The following UGT1A6 variants were observed in gnomAD, a reference collection of about 807,000 sequenced individuals.
UGT1A6 encodes the protein UDP-glucuronosyltransferase 1A6.
UGT1A6 carries 32 observed loss-of-function variants against 44.4 expected under a neutral mutation model. That is an observed-to-expected ratio of 0.72 (90% CI 0.54 to 0.97). UGT1A6 has a LOEUF of 0.97. Ranked by LOEUF, UGT1A6 falls within the 50% of genes least tolerant of loss-of-function variation. The probability of loss-of-function intolerance (pLI) is 0.00; values close to 1 mark genes in which losing one functional copy is unlikely to be tolerated. For missense variants in UGT1A6, 685 were observed against 661.9 expected (o/e 1.03, Z -0.38); for synonymous variants, 238 against 248.5 (o/e 0.96, Z 0.40).
At chr2:233,718,225 A>G (rs1206675638) in intron 1 of UGT1A6, among the ~76,000 whole-genome samples, 1 of 152,212 alleles carries the variant, frequency 6.6e-6, no homozygotes, top group Admixed American at 6.5e-5. Context: ...GCCACTTCAG[A>G]GAGAGTCCTC....
At chr2:233,692,518 G>A (rs745597997), upstream of UGT1A6, among the ~76,000 whole-genome samples, 2 of 152,138 alleles carry the variant, frequency 1.3e-5, no homozygotes, top group Admixed American at 6.5e-5. Context: ...TGTGGGGTCC[G>A]TGCTAACTCA....
chr2:233,735,770 G>A (rs1420645187), intron 1 of UGT1A6, among the ~76,000 whole-genome samples: 1 of 152,120 alleles, frequency 6.6e-6, no homozygotes, highest in Non-Finnish European at 1.5e-5. Flanking sequence ...CACTTATGAA[G>A]CTTACTTTGG....
chr2:233,722,321 T>A (rs28899187), intron 1 of UGT1A6, among the ~76,000 whole-genome samples: 12,148 of 152,290 alleles, frequency 0.08, 622 homozygotes, highest in East Asian at 0.2. Flanking sequence ...TTGGTTTGGT[T>A]GACCCTTAGA....
intron 1 of UGT1A6, chr2:233,719,098 C>A (rs188914242): frequency 6.2e-7 from 1 of 1,614,122 alleles, no homozygotes; most frequent in Non-Finnish European, 8.5e-7. Flanking sequence ...GATCGCGTTA[C>A]GCTGGGCTAC....
chr2:233,721,886 T>C (rs1215447049), intron 1 of UGT1A6: 3 of 486,690 alleles, frequency 6.2e-6, no homozygotes, highest in Non-Finnish European at 1.2e-5. Flanking sequence ...AGCCCCTCCA[T>C]TGCAATATCG....
intron 1 of UGT1A6, chr2:233,713,871 G>A: frequency 5.0e-6 from 8 of 1,613,804 alleles, no homozygotes; most frequent in Non-Finnish European, 6.8e-6. Flanking sequence ...CTGTATTGGT[G>A]CCTTTATCCA....
In UGT1A6 at chr2:233,713,389, A is replaced by G. The variant is rs751275853; in HGVS notation, c.861+19524A>G. On this transcript the variant is annotated intron_variant, in intron 1 of 4. Transcript: ENST00000305139. ...CATAGGTCTTGTGTGGAGCTACTGC[A>G]TAATGAGGCCCTGATCAGGCACCTG... 3 of 1,614,218 alleles carry G rather than the reference A, an allele frequency of 1.9e-6. No individual in the cohort carries two copies. The East Asian group carries it at 6.7e-5, about 36-fold the overall frequency.
chr2:233,701,219 C>T (rs2075617264), intron 1 of UGT1A6, among the ~76,000 whole-genome samples: 1 of 152,076 alleles, frequency 6.6e-6, no homozygotes, highest in Non-Finnish European at 1.5e-5. Flanking sequence ...ATTTATAATC[C>T]TTTGGGTATA....
intron 1 of UGT1A6, chr2:233,713,305 A>T: frequency 3.1e-6 from 5 of 1,614,274 alleles, no homozygotes; most frequent in Non-Finnish European, 4.2e-6. Flanking sequence ...GAAACAGAAC[A>T]TCTTCTGATG....
intron 1 of UGT1A6, among the ~76,000 whole-genome samples, chr2:233,748,667 G>T (rs899453782): frequency 7.9e-5 from 12 of 151,802 alleles, no homozygotes; most frequent in Middle Eastern, 3.4e-3. Flanking sequence ...TTTCCAGAGA[G>T]GGATCTGTGC....
chr2:233,738,152 A>C (rs1172003617), intron 1 of UGT1A6, among the ~76,000 whole-genome samples: 1 of 152,050 alleles, frequency 6.6e-6, no homozygotes, highest in Non-Finnish European at 1.5e-5. Flanking sequence ...CTTGCAAGCT[A>C]TTCCTCTTTC....
At chr2:233,771,280 CCTTTT>C (rs1700275539) in intron 4 of UGT1A6, 2 of 152,190 alleles carry the variant, frequency 1.3e-5, no homozygotes, top group Non-Finnish European at 1.5e-5. Flanking sequence ...CTTTCTTCTC[CCTTTT>C]CTTTTCTACT....
At chr2:233,719,521 T>C in intron 1 of UGT1A6, 1 of 1,613,998 alleles carries the variant, frequency 6.2e-7, no homozygotes, top group Non-Finnish European at 8.5e-7. Flanking sequence ...TATGCAAGTC[T>C]TGCCTCTGAG....
At chr2:233,745,974 G>A (rs1693271191) in intron 1 of UGT1A6, among the ~76,000 whole-genome samples, 1 of 151,654 alleles carries the variant, frequency 6.6e-6, no homozygotes, top group Non-Finnish European at 1.5e-5. Flanking sequence ...CCCTGAAATG[G>A]GACCATGACA....
At chr2:233,713,052 A>G in intron 1 of UGT1A6, 1 of 1,614,106 alleles carries the variant, frequency 6.2e-7, no homozygotes, top group Non-Finnish European at 8.5e-7. Flanking sequence ...GCTTCTCCTC[A>G]GTGTCCAGCC....
At chr2:233,732,944 A>G (rs2078339479) in intron 1 of UGT1A6, among the ~76,000 whole-genome samples, 2 of 152,256 alleles carry the variant, frequency 1.3e-5, no homozygotes, top group Admixed American at 1.3e-4. Flanking sequence ...ATCCATGAGC[A>G]TGGAATGTTC....
chr2:233,750,083 G>A lies in UGT1A6; in HGVS notation c.862-16951G>A, dbSNP rs773064536. ...TGGAACTGGGTAACAGGCAGAGGTT[G>A]GAACAGTTTGGAGAGCTCAGAAGAA... is the stretch of plus-strand genomic sequence containing the variant. On this transcript the variant is annotated intron_variant, in intron 1 of 4. Transcript: ENST00000305139. Among the ~76,000 whole-genome samples the A allele has an allele frequency of 4.8e-4, 73 of 151,992 alleles. 1 individual carries two copies. The highest frequency in any genetic ancestry group is 9.7e-4 in the Non-Finnish European group (66 of 68,038).
At chr2:233,744,795 G>A (rs1194652207) in intron 1 of UGT1A6, among the ~76,000 whole-genome samples, 2 of 151,864 alleles carry the variant, frequency 1.3e-5, no homozygotes, top group Non-Finnish European at 2.9e-5. Context: ...AATTCTTGGG[G>A]ATCCCTAGGA....
chr2:233,701,317 C>A lies in UGT1A6; in HGVS notation c.861+7452C>A, dbSNP rs28899174. 9.8e-3 allele frequency among the ~76,000 whole-genome samples: 1,493 copies of A among 152,208 alleles called. 22 individuals are homozygous for A. The highest frequency in any genetic ancestry group is 0.034 in the African/African-American group (1,425 of 41,526). On this transcript the variant is annotated intron_variant, in intron 1 of 4. Coordinates refer to ENST00000305139, the MANE Select transcript of UGT1A6 (RefSeq NM_001072.4). ...CACACTGTCTTCCACAATGGTTGAA[C>A]TAGTTTACAGTCCCACCAACAGTGT... is the stretch of plus-strand genomic sequence containing the variant.
Sources: allele counts gnomAD v4.1 joint callset (sites outside exome capture counted in the v4.1 genomes callset), GRCh38; gene constraint gnomAD v4.1.1; transcripts MANE v1.5; gene names NCBI Gene and HGNC (gene_info 2026-07-23, HGNC 2026-07-21).